The following NRXN3 variants were observed in gnomAD, a reference collection of about 807,000 sequenced individuals.
NRXN3 encodes the protein neurexin 3, also known as neurexin III.
A neutral mutation model predicts 137.6 loss-of-function variants in NRXN3; 32 were observed. The ratio of observed to expected loss-of-function variants is 0.23; its 90% CI spans 0.18 to 0.31. The LOEUF is 0.31. Ranked by LOEUF, NRXN3 falls within the 10% of genes least tolerant of loss-of-function variation. The pLI is 1.00. For missense variants in NRXN3, 1,574 were observed against 2,062.5 expected (o/e 0.76, Z 4.59); for synonymous variants, 798 against 784.5 (o/e 1.02, Z -0.29).
chr14:78,426,787 A>C (rs923757163), intron 4 of NRXN3, among the ~76,000 whole-genome samples: 1 of 152,076 alleles, frequency 6.6e-6, no homozygotes, highest in Non-Finnish European at 1.5e-5. Context: ...GGTTTTCTCA[A>C]ATTTTTTTAG....
chr14:79,221,906 A>G (rs1828077415), intron 15 of NRXN3, among the ~76,000 whole-genome samples: 1 of 152,112 alleles, frequency 6.6e-6, no homozygotes, highest in African/African-American at 2.4e-5. Context: ...TAAGTCTTTA[A>G]TCTATCTTGA....
At chr14:78,439,077 G>T (rs1236566810) in intron 4 of NRXN3, among the ~76,000 whole-genome samples, 2 of 152,074 alleles carry the variant, frequency 1.3e-5, no homozygotes. Context: ...GACATGGTTG[G>T]CACGGGGTTG....
chr14:79,852,094 A>G (rs1348182634), intron 20 of NRXN3, among the ~76,000 whole-genome samples: 1 of 152,142 alleles, frequency 6.6e-6, no homozygotes, highest in African/African-American at 2.4e-5. Context: ...AGCAATGTTA[A>G]TTATAACCCC....
intron 10 of NRXN3, among the ~76,000 whole-genome samples, chr14:78,906,189 ATATAAT>A (rs1437073490): frequency 1.3e-5 from 2 of 152,084 alleles, no homozygotes; most frequent in Non-Finnish European, 2.9e-5. Context: ...CCATTATATT[ATATAAT>A]TATAATTTCA....
chr14:79,462,029 G>T (rs567752532), intron 15 of NRXN3, among the ~76,000 whole-genome samples: 2 of 152,152 alleles, frequency 1.3e-5, no homozygotes, highest in Non-Finnish European at 1.5e-5. Context: ...TTAATTTATT[G>T]TTCTACTTGT....
chr14:78,385,455 A>G (rs2089833280), intron 4 of NRXN3, among the ~76,000 whole-genome samples: 1 of 152,204 alleles, frequency 6.6e-6, no homozygotes, highest in South Asian at 2.1e-4. Flanking sequence ...AATTGTGTTA[A>G]AAATAGTGTT....
intron 14 of NRXN3, among the ~76,000 whole-genome samples, chr14:78,970,682 C>A (rs1032991397): frequency 1.3e-5 from 2 of 152,138 alleles, no homozygotes; most frequent in Admixed American, 1.3e-4. Flanking sequence ...AGAGCATCAG[C>A]AAAAAGAAAT....
At chr14:78,413,353 T>C (rs188718274) in intron 4 of NRXN3, among the ~76,000 whole-genome samples, 53 of 152,308 alleles carry the variant, frequency 3.5e-4, no homozygotes, top group South Asian at 1.0e-3. Context: ...TGGCATAATC[T>C]TGGCTCACCA....
intron 15 of NRXN3, among the ~76,000 whole-genome samples, chr14:79,065,624 C>T (rs143922088): frequency 1.6e-3 from 247 of 152,132 alleles, no homozygotes; most frequent in Non-Finnish European, 3.0e-3. Flanking sequence ...AAGGTGCTGG[C>T]GGGGTTGGTT....
At chr14:78,375,936 C>T (rs576426219) in intron 4 of NRXN3, among the ~76,000 whole-genome samples, 39 of 152,044 alleles carry the variant, frequency 2.6e-4, no homozygotes, top group African/African-American at 9.2e-4. Context: ...GATAAATCTA[C>T]ATGGTTCAGT....
chr14:78,512,572 A>C lies in NRXN3; in HGVS notation c.758-132548A>C, dbSNP rs542770133. 1.4e-4 allele frequency among the ~76,000 whole-genome samples: 22 copies of C among 152,316 alleles called. No individual in the cohort carries two copies. The South Asian group carries it at 4.6e-3, about 32-fold the overall frequency. ...TTTACCTTGATTTTGTAAAAACAAA[A>C]CAAAATCAAAACCCTTAGGTGGCAA... On this transcript the variant is annotated intron_variant, in intron 4 of 20. Transcript: ENST00000335750.
chr14:79,163,524 G>T (rs1434579989), intron 15 of NRXN3, among the ~76,000 whole-genome samples: 1 of 151,832 alleles, frequency 6.6e-6, no homozygotes, highest in South Asian at 2.1e-4. Flanking sequence ...CTAAATTCCT[G>T]TCCTGGTACA....
intron 19 of NRXN3, among the ~76,000 whole-genome samples, chr14:79,757,020 A>G (rs2099021929): frequency 6.6e-6 from 1 of 152,172 alleles, no homozygotes; most frequent in Non-Finnish European, 1.5e-5. Flanking sequence ...ACGCCAAATT[A>G]GTAGTTATTC....
intron 15 of NRXN3, among the ~76,000 whole-genome samples, chr14:79,425,381 G>A (rs886887487): frequency 2.6e-5 from 4 of 152,040 alleles, no homozygotes; most frequent in African/African-American, 9.7e-5. Context: ...TTTACTATGA[G>A]GAGAATCAGG....
intron 15 of NRXN3, among the ~76,000 whole-genome samples, chr14:79,212,753 C>A (rs2067868989): frequency 6.6e-6 from 1 of 151,922 alleles, no homozygotes; most frequent in East Asian, 1.9e-4. Flanking sequence ...GTAAGTAGGT[C>A]TTTTCATTGC....
At chr14:78,872,933 C>T (rs1426649936) in intron 10 of NRXN3, among the ~76,000 whole-genome samples, 38 of 152,172 alleles carry the variant, frequency 2.5e-4, no homozygotes, top group Admixed American at 2.5e-3. Context: ...CTCTTCAAGT[C>T]AGATTCCAAT....
intron 8 of NRXN3, among the ~76,000 whole-genome samples, chr14:78,798,746 G>A (rs1032627503): frequency 6.6e-6 from 1 of 152,214 alleles, no homozygotes; most frequent in Non-Finnish European, 1.5e-5. Context: ...TGAAATCTAG[G>A]TGGAGGCTCC....
chr14:79,649,554 A>T (rs2098466492), intron 16 of NRXN3, among the ~76,000 whole-genome samples: 1 of 152,154 alleles, frequency 6.6e-6, no homozygotes, highest in African/African-American at 2.4e-5. Flanking sequence ...TAGCATGTTT[A>T]TGAACCTTAA....
At chr14:79,790,569 A>G (rs991308924) in intron 19 of NRXN3, among the ~76,000 whole-genome samples, 1 of 150,460 alleles carries the variant, frequency 6.6e-6, no homozygotes, top group African/African-American at 2.4e-5. Context: ...TTCATCCCCA[A>G]AAGTTCTGTA....
Sources: allele counts gnomAD v4.1 joint callset (sites outside exome capture counted in the v4.1 genomes callset), GRCh38; gene constraint gnomAD v4.1.1; transcripts MANE v1.5; gene names NCBI Gene and HGNC (gene_info 2026-07-23, HGNC 2026-07-21).